Variants in SLC12A1 observed in about 807,000 individuals in gnomAD.
SLC12A1 encodes Na-K-2Cl cotransporter.
A neutral mutation model predicts 130.4 loss-of-function variants in SLC12A1; 89 were observed. The observed-to-expected ratio is 0.68, with a 90% confidence interval of 0.58 to 0.81. SLC12A1 has a LOEUF of 0.81. SLC12A1 is among the 40% of genes least tolerant of loss of function. The pLI, the probability that SLC12A1 is intolerant of heterozygous loss-of-function variation, is 0.00. For synonymous variants in SLC12A1, 499 were observed against 460.0 expected, an observed-to-expected ratio of 1.08 and a Z score of -1.09; for missense variants, 1,310 against 1,336.4, an observed-to-expected ratio of 0.98 and a Z score of 0.31.
At position 48,247,453 on chromosome 15, in the gene SLC12A1, T is replaced by A. The variant is rs1360071659; in HGVS notation, c.1677T>A (p.Ile559=). Residue 559 remains isoleucine (I), a synonymous_variant, in exon 13 of 27, where the codon ATT becomes ATA. Coordinates refer to ENST00000380993, the MANE Select transcript of SLC12A1 (RefSeq NM_000338.3). The part of the protein sequence containing the change: ...ILTFLIAMAF[I]LIAELNTIAP... Reference sequence around the variant, plus strand: ...CTTTTCTTATAGCCATGGCATTTATTCTTATTGGTTTGTAAAGTTTTCTTG... The same window carrying A: ...CTTTTCTTATAGCCATGGCATTTATACTTATTGGTTTGTAAAGTTTTCTTG... The A allele has an allele frequency of 1.9e-6, 3 of 1,603,210 alleles. No homozygotes were observed. Among genetic ancestry groups the A allele is most frequent in the African/African-American group, 2.7e-5 (2 of 74,528 alleles).
At chr15:48,299,504 G>C (rs2042210567) in intron 25 of SLC12A1, among the ~76,000 whole-genome samples, 1 of 152,142 alleles carries the variant, frequency 6.6e-6, no homozygotes, top group African/African-American at 2.4e-5. Flanking sequence ...TTAAAAAATA[G>C]GTTATTGGTA....
At chr15:48,302,574 T>A (rs544078467) in intron 26 of SLC12A1, among the ~76,000 whole-genome samples, 176 bp from the exon 27 acceptor site, 1 of 124,944 alleles carries the variant, frequency 8.0e-6, no homozygotes. Context: ...GAGCCGAGAT[T>A]GTGCCACTGC....
At chr15:48,277,639 T>C (rs193011076) in intron 20 of SLC12A1, among the ~76,000 whole-genome samples, 43 of 152,294 alleles carry the variant, frequency 2.8e-4, no homozygotes, top group African/African-American at 1.0e-3. Flanking sequence ...CAGCATGAAG[T>C]CTCCAAGGTA....
At chr15:48,226,935 T>C in intron 5 of SLC12A1, 1 of 638,010 alleles carries the variant, frequency 1.6e-6, no homozygotes, top group South Asian at 2.0e-5. Flanking sequence ...TCCTAGACCT[T>C]CATGAAATGG....
intron 9 of SLC12A1, among the ~76,000 whole-genome samples, 197 bp from the exon 10 acceptor site, chr15:48,241,318 T>A (rs2041512833): frequency 1.3e-5 from 2 of 152,194 alleles, no homozygotes; most frequent in African/African-American, 4.8e-5. Context: ...TTTTACAGAT[T>A]TCTTTATTCA....
Position 48,230,258 on chromosome 15 carries a change from G to A in SLC12A1, c.865-135G>A, listed in dbSNP as rs901679279. Reference sequence around the variant, plus strand: ...AGGTTTTTTATCTTCATAAATGTATGAATACTCCATTTTTCTATTATCCTA... The same window carrying A: ...AGGTTTTTTATCTTCATAAATGTATAAATACTCCATTTTTCTATTATCCTA... On this transcript the variant is annotated intron_variant, in intron 6 of 26. Transcript: ENST00000380993. 32 of 597,668 alleles carry A rather than the reference G, an allele frequency of 5.4e-5. No individual in the cohort carries two copies. In the African/African-American group the frequency reaches 5.9e-4, roughly 11 times the overall value. The allele number at this position is 597,668 out of a possible 1,614,324, so 37.0% of individuals were successfully genotyped here.
intron 24 of SLC12A1, among the ~76,000 whole-genome samples, chr15:48,292,238 G>C (rs2042129537): frequency 6.6e-6 from 1 of 152,142 alleles, no homozygotes; most frequent in Non-Finnish European, 1.5e-5. Flanking sequence ...AGCCTGGATG[G>C]GGAGCTCTGA....
intron 15 of SLC12A1, 111 bp downstream of exon 15, chr15:48,251,881 G>A: frequency 2.2e-6 from 2 of 889,240 alleles, no homozygotes; most frequent in Non-Finnish European, 3.5e-6. Context: ...ATGTAAGGTG[G>A]ATATTAATAA....
chr15:48,212,806 T>C (rs781016508), intron 2 of SLC12A1, among the ~76,000 whole-genome samples: 1 of 152,226 alleles, frequency 6.6e-6, no homozygotes, highest in Non-Finnish European at 1.5e-5. Context: ...AAGCTAACTC[T>C]ATAGAAACTA....
intron 17 of SLC12A1, among the ~76,000 whole-genome samples, chr15:48,266,464 C>A (rs1369124003): frequency 6.9e-6 from 1 of 144,086 alleles, no homozygotes; most frequent in Non-Finnish European, 1.5e-5. Flanking sequence ...TTTTTTCATG[C>A]ATCCCAATGT....
chr15:48,259,684 T>C (rs959238555), intron 17 of SLC12A1, among the ~76,000 whole-genome samples: 1 of 152,132 alleles, frequency 6.6e-6, no homozygotes, highest in Non-Finnish European at 1.5e-5. Context: ...AGAGATTAAC[T>C]GATGAGGAAA....
chr15:48,288,006 A>C, intron 21 of SLC12A1, 37 bp from the exon 22 acceptor site: 2 of 1,592,920 alleles, frequency 1.3e-6, no homozygotes, highest in Non-Finnish European at 1.7e-6. Context: ...TCTGCCCTCA[A>C]AAGCAAACAG....
At chr15:48,220,843 C>T (rs2041203192) in intron 3 of SLC12A1, 78 bp downstream of exon 3, 2 of 1,610,070 alleles carry the variant, frequency 1.2e-6, no homozygotes, top group Non-Finnish European at 1.7e-6. Flanking sequence ...AAGGCCTGGG[C>T]ACAGCTTTAT....
chr15:48,255,404 C>T (rs933321932), intron 15 of SLC12A1, among the ~76,000 whole-genome samples: 3 of 150,958 alleles, frequency 2.0e-5, no homozygotes, highest in Non-Finnish European at 4.4e-5. Flanking sequence ...TGCCACTGCA[C>T]TCCAGCCTGC....
intron 16 of SLC12A1, 107 bp from the exon 17 acceptor site, chr15:48,259,093 G>A (rs2041741008): frequency 5.8e-6 from 4 of 691,660 alleles, no homozygotes; most frequent in Non-Finnish European, 1.0e-5. Context: ...ATAGGGGAGA[G>A]GTTGCCCCAT....
At chr15:48,297,284 C>T (rs1307770344) in intron 24 of SLC12A1, among the ~76,000 whole-genome samples, 1 of 152,184 alleles carries the variant, frequency 6.6e-6, no homozygotes, top group African/African-American at 2.4e-5. Context: ...TCCAGGGCTC[C>T]TTTCAGGTTT....
At chr15:48,250,676 T>TCACACACACACACAAACA (rs1230449138) in intron 14 of SLC12A1, among the ~76,000 whole-genome samples, 1 of 145,940 alleles carries the variant, frequency 6.9e-6, no homozygotes, top group African/African-American at 2.6e-5. Flanking sequence ...AATGTCTGCC[T>TCACACACACACACAAACA]CACACACACA....
At chr15:48,227,158 T>C (rs971676692) in intron 5 of SLC12A1, 98 of 1,550,658 alleles carry the variant, frequency 6.3e-5, no homozygotes, top group Non-Finnish European at 7.9e-5. Flanking sequence ...TTTGCACGAA[T>C]GGAGTAGTAA....
Position 48,226,473 on chromosome 15 carries a change from C to A in SLC12A1, c.629-3C>A, listed in dbSNP as rs766648982. ...AATATCTTCTATCTTTCATTGCTAA[C>A]AGGTCTTGGAGTTCTCATAATTCTT... On this transcript the variant is annotated splice_polypyrimidine_tract_variant and splice_region_variant and intron_variant, in intron 4 of 26. Transcript: ENST00000380993. 1.9e-6 allele frequency: 3 copies of A among 1,547,532 alleles called. No individual in the cohort carries two copies. Among genetic ancestry groups the A allele is most frequent in the African/African-American group, 1.4e-5 (1 of 72,080 alleles).
Sources: gnomAD v4.1 joint callset for allele counts (sites outside exome capture counted in the v4.1 genomes callset) on GRCh38, gnomAD v4.1.1 for gene constraint, MANE v1.5 for transcripts, NCBI Gene and HGNC (gene_info 2026-07-23, HGNC 2026-07-21) for gene names.